CXorf58: variants seen among roughly 807,000 people sequenced by gnomAD.
CXorf58 encodes the protein chromosome X open reading frame 58.
CXorf58 carries 24 observed loss-of-function variants against 26.0 expected under a neutral mutation model. The ratio of observed to expected loss-of-function variants is 0.92; its 90% CI spans 0.67 to 1.30. CXorf58 has a LOEUF of 1.30. Among genes scored for constraint, CXorf58 ranks in the 50% most tolerant of loss-of-function variants. The pLI, the probability that CXorf58 is intolerant of heterozygous loss-of-function variation, is 0.00. For synonymous variants in CXorf58, 87 were observed against 86.1 expected, an observed-to-expected ratio of 1.01 and a Z score of -0.06; for missense variants, 236 against 263.9, an observed-to-expected ratio of 0.89 and a Z score of 0.73.
At chrX:23,909,256 A>G (rs1464335374) in intron 1 of CXorf58, among the ~76,000 whole-genome samples, 1 of 111,934 alleles carries the variant, frequency 8.9e-6, no homozygotes, top group African/African-American at 3.3e-5. Context: ...ATGGGGGAAA[A>G]AATGACAACT....
At chrX:23,910,141 G>GTTGCT in intron 1 of CXorf58, 142 bp from the exon 2 acceptor site, 1 of 378,375 alleles carries the variant, frequency 2.6e-6, no homozygotes, top group Non-Finnish European at 4.7e-6. Context: ...AATGTAAACT[G>GTTGCT]TAAGCAACTT....
chrX:23,930,619 A>T (rs1275585707), intron 6 of CXorf58, among the ~76,000 whole-genome samples: 1 of 107,498 alleles, frequency 9.3e-6, no homozygotes, highest in East Asian at 2.9e-4. Flanking sequence ...AAAAAAAAAA[A>T]GCCACAGCCA....
At chrX:23,920,890 CAA>C (rs59587627) in intron 5 of CXorf58, among the ~76,000 whole-genome samples, 1,360 of 53,832 alleles carry the variant, frequency 0.025, 25 homozygotes, top group African/African-American at 0.088. Context: ...AAACTCCGTC[CAA>C]AAAAAAAAAA....
chrX:23,926,091 A>G (rs760098229), intron 5 of CXorf58, among the ~76,000 whole-genome samples: 1 of 110,037 alleles, frequency 9.1e-6, no homozygotes, highest in Non-Finnish European at 1.9e-5. Flanking sequence ...GCCCGCCCTG[A>G]ATTTTCTTTT....
chrX:23,911,682 A>G (rs1488335436), intron 2 of CXorf58, 75 bp from the exon 3 acceptor site: 2 of 670,222 alleles, frequency 3.0e-6, no homozygotes, highest in African/African-American at 4.5e-5. Flanking sequence ...AGGAGGAAGC[A>G]TAAATTGATA....
At chrX:23,916,349 T>C (rs1432581386) in intron 5 of CXorf58, 21 bp downstream of exon 5, 1 of 976,705 alleles carries the variant, frequency 1.0e-6, no homozygotes, top group African/African-American at 1.9e-5. Flanking sequence ...ATGATGTACA[T>C]TTTATGTTAA....
chrX:23,916,500 T>TAAAA lies in CXorf58; in HGVS notation c.423+187_423+190dup, dbSNP rs11446281. The TAAAA allele has an allele frequency of 6.6e-4, 74 of 112,013 alleles. 2 individuals carry two copies. The highest frequency in any genetic ancestry group is 3.7e-3 in the African/African-American group (68 of 18,263). The allele number at this position is 112,013 out of a possible 1,213,427, so 9.2% of individuals were successfully genotyped here. On this transcript the variant is annotated intron_variant, in intron 5 of 8. Coordinates refer to ENST00000379211, the MANE Select transcript of CXorf58 (RefSeq NM_152761.3). ...TTTCAAAGTGTCTCCACTTACTAGC[T>TAAAA]AAAAAAAAAAAAAAAAAAGACATTT... is the stretch of plus-strand genomic sequence containing the variant.
intron 7 of CXorf58, among the ~76,000 whole-genome samples, chrX:23,936,635 CTT>C (rs1021654245): frequency 4.5e-5 from 5 of 111,932 alleles, no homozygotes; most frequent in Non-Finnish European, 9.4e-5. Flanking sequence ...TTTTCACACT[CTT>C]ATAATTGAAA....
chrX:23,925,781 CTTTTCT>C (rs1455572603), intron 5 of CXorf58, among the ~76,000 whole-genome samples: 4 of 86,253 alleles, frequency 4.6e-5, no homozygotes, highest in Admixed American at 2.6e-4. Flanking sequence ...CTTTTCTTTT[CTTTTCT>C]TTTTTTTTTT....
At chrX:23,929,405 CAA>C (rs1169185534) in intron 6 of CXorf58, among the ~76,000 whole-genome samples, 1 of 36,421 alleles carries the variant, frequency 2.7e-5, no homozygotes, top group Non-Finnish European at 5.9e-5. Context: ...GACTGTGTCT[CAA>C]AAAAAAAAAA....
rs150399847 is a variant in CXorf58, at chrX:23,923,286, G to A, written c.424-3953G>A. ...ACCAGAATGGGCCAGACACAGATGA[G>A]GCACACAACTGAGGCACTGCACACA... On this transcript the variant is annotated intron_variant, in intron 5 of 8. Coordinates refer to ENST00000379211, the MANE Select transcript of CXorf58 (RefSeq NM_152761.3). 3.9e-3 allele frequency among the ~76,000 whole-genome samples: 438 copies of A among 110,908 alleles called. 1 individual carries two copies. Among genetic ancestry groups the A allele is most frequent in the African/African-American group, 0.011 (325 of 30,546 alleles).
intron 5 of CXorf58, among the ~76,000 whole-genome samples, chrX:23,923,406 G>A (rs1294127067): frequency 9.1e-6 from 1 of 109,460 alleles, no homozygotes; most frequent in Non-Finnish European, 1.9e-5. Flanking sequence ...GGAGGCTAAG[G>A]TGGGCGGATC....
At chrX:23,932,163 T>G (rs780786637) in intron 6 of CXorf58, among the ~76,000 whole-genome samples, 1 of 112,657 alleles carries the variant, frequency 8.9e-6, no homozygotes, top group Admixed American at 9.4e-5. Flanking sequence ...ATTGTCATAT[T>G]CCTTTTAAAA....
intron 5 of CXorf58, among the ~76,000 whole-genome samples, chrX:23,923,758 C>T (rs750759356): frequency 1.8e-5 from 2 of 112,090 alleles, no homozygotes; most frequent in South Asian, 3.7e-4. Context: ...TGAGACCAGC[C>T]TGGCCAACAT....
Position 23,939,490 on chromosome X carries a change from A to G in CXorf58, c.*187A>G, listed in dbSNP as rs535559521. The G allele has an allele frequency of 1.4e-5, 5 of 360,022 alleles. No individual in the cohort carries two copies. The highest frequency in any genetic ancestry group is 1.3e-4 in the East Asian group (3 of 22,805). The allele number at this position is 360,022 out of a possible 1,213,427, so 29.7% of individuals were successfully genotyped here. Reference sequence around the variant, plus strand: ...TATAAATAATGAGTATGTGTAATAAAGGAAAATAACATAGAATAAGTCCTG... The same window carrying G: ...TATAAATAATGAGTATGTGTAATAAGGGAAAATAACATAGAATAAGTCCTG... On this transcript the variant is annotated 3_prime_UTR_variant, in exon 9 of 9. Transcript: ENST00000379211.
chrX:23,933,227 GGT>G lies in CXorf58; in HGVS notation c.556-1962_556-1961del, dbSNP rs200606418. 4.0e-3 allele frequency among the ~76,000 whole-genome samples: 443 copies of G among 110,048 alleles called. 2 individuals are homozygous for G. The highest frequency in any genetic ancestry group is 0.013 in the African/African-American group (406 of 30,248). ...GTGTATGTGTATATGTGAGTGTGAA[GGT>G]GTGTGTTGAGAGTGTGTATGTGCAT... On this transcript the variant is annotated intron_variant, in intron 6 of 8. Coordinates refer to ENST00000379211, the MANE Select transcript of CXorf58 (RefSeq NM_152761.3).
intron 5 of CXorf58, among the ~76,000 whole-genome samples, chrX:23,919,624 G>A (rs1455119409): frequency 1.8e-5 from 2 of 112,123 alleles, no homozygotes; most frequent in African/African-American, 6.5e-5. Flanking sequence ...CTCTAGGATT[G>A]ATCACTGGTG....
chrX:23,925,965 T>C (rs984809880), intron 5 of CXorf58, among the ~76,000 whole-genome samples: 16 of 107,063 alleles, frequency 1.5e-4, no homozygotes, highest in African/African-American at 5.1e-4. Flanking sequence ...ATTTTTGTAT[T>C]TTTAGTAGAG....
chrX:23,926,008 C>T (rs1304528878), intron 5 of CXorf58, among the ~76,000 whole-genome samples: 2 of 108,682 alleles, frequency 1.8e-5, no homozygotes, highest in Non-Finnish European at 3.8e-5. Flanking sequence ...AGGCTGGTCT[C>T]GAACTCCTGA....
Sources: allele counts gnomAD v4.1 joint callset (sites outside exome capture counted in the v4.1 genomes callset), GRCh38; gene constraint gnomAD v4.1.1; transcripts MANE v1.5; gene names NCBI Gene and HGNC (gene_info 2026-07-23, HGNC 2026-07-21).